Variants in DDHD1 observed in about 807,000 individuals in gnomAD.
DDHD1 encodes DDHD domain containing 1.
DDHD1 carries 49 observed loss-of-function variants against 96.4 expected under a neutral mutation model. The observed-to-expected ratio is 0.51, with a 90% CI of 0.40 to 0.64. The LOEUF (loss-of-function observed/expected upper bound fraction) is 0.64, where lower values mean the gene tolerates loss of function less well. DDHD1 is among the 30% of genes least tolerant of loss of function. The probability of loss-of-function intolerance (pLI) is 0.00; values close to 1 mark genes in which losing one functional copy is unlikely to be tolerated. For missense variants in DDHD1, 1,106 were observed against 1,161.2 expected, an observed-to-expected ratio of 0.95 and a Z score of 0.69; for synonymous variants, 442 against 446.5, an observed-to-expected ratio of 0.99 and a Z score of 0.13.
chr14:53,059,389 C>T (rs890668490), intron 8 of DDHD1, among the ~76,000 whole-genome samples: 2 of 151,790 alleles, frequency 1.3e-5, no homozygotes, highest in African/African-American at 4.8e-5. Flanking sequence ...GAACTACAGG[C>T]GCCCGCCACC....
intron 1 of DDHD1, among the ~76,000 whole-genome samples, chr14:53,138,103 T>A (rs964024914): frequency 1.3e-5 from 2 of 152,194 alleles, no homozygotes; most frequent in African/African-American, 4.8e-5. Flanking sequence ...AATTGTTTTT[T>A]TAAAAATTGA....
At chr14:53,082,602 T>C (rs1215036638) in intron 4 of DDHD1, among the ~76,000 whole-genome samples, 3 of 151,560 alleles carry the variant, frequency 2.0e-5, no homozygotes, top group African/African-American at 4.9e-5. Context: ...CTACTAAAAA[T>C]ACAAAAATTA....
At chr14:53,107,839 G>C (rs1887810073) in intron 1 of DDHD1, among the ~76,000 whole-genome samples, 1 of 152,048 alleles carries the variant, frequency 6.6e-6, no homozygotes. Context: ...TAAACACGGG[G>C]CTTGCAACTT....
chr14:53,071,497 A>G (rs1884506609), intron 6 of DDHD1, among the ~76,000 whole-genome samples: 1 of 152,122 alleles, frequency 6.6e-6, no homozygotes, highest in African/African-American at 2.4e-5. Context: ...ATCCTTGTAC[A>G]GTATCTTATA....
intron 6 of DDHD1, among the ~76,000 whole-genome samples, chr14:53,070,543 TAGA>T (rs1415138975): frequency 1.3e-5 from 2 of 152,294 alleles, no homozygotes; most frequent in African/African-American, 4.8e-5. Context: ...GGGTATGGAA[TAGA>T]ACTGTTTTTT....
chr14:53,069,473 T>C (rs1884328567), intron 6 of DDHD1, among the ~76,000 whole-genome samples: 1 of 152,194 alleles, frequency 6.6e-6, no homozygotes, highest in Non-Finnish European at 1.5e-5. Flanking sequence ...TATTTTTAAA[T>C]TAAGGTATGC....
At chr14:53,114,181 G>A (rs536157259) in intron 1 of DDHD1, among the ~76,000 whole-genome samples, 2 of 152,328 alleles carry the variant, frequency 1.3e-5, no homozygotes, top group Admixed American at 6.5e-5. Context: ...CCTCCTCACT[G>A]GGCGGAGCAC....
chr14:53,051,055 T>C (rs1022226669), intron 12 of DDHD1, among the ~76,000 whole-genome samples: 1 of 138,302 alleles, frequency 7.2e-6, no homozygotes, highest in African/African-American at 2.6e-5. Flanking sequence ...AATGTAAGAG[T>C]TTTTTTTTTT....
Position 53,153,287 on chromosome 14 carries a change from C to A in DDHD1, c.-189G>T, listed in dbSNP as rs1337578987. 3 of 440,120 alleles carry A rather than the reference C, an allele frequency of 6.8e-6. No homozygotes were observed. The highest frequency in any genetic ancestry group is 1.1e-5 in the Non-Finnish European group (3 of 263,880). The allele number at this position is 440,120 out of a possible 1,614,324, so 27.3% of individuals were successfully genotyped here. A position where few individuals can be genotyped will look rare whatever the true frequency, so the allele number is the denominator to read the frequency against. On this transcript the variant is annotated 5_prime_UTR_variant, in exon 1 of 13. Transcript: ENST00000673822. ...CGCAGCCGCCGCAGCTGCGTTCTGC[C>A]GCCGGCCCCATTGTCACGCAGCCCG...
intron 4 of DDHD1, among the ~76,000 whole-genome samples, chr14:53,086,284 T>C (rs564232300): frequency 1.8e-3 from 267 of 152,120 alleles, no homozygotes; most frequent in African/African-American, 6.2e-3. Context: ...AACATTCAAA[T>C]TCAGGAAATA....
In DDHD1 at chr14:53,121,131, C is replaced by T. The variant is rs370059817; in HGVS notation, c.839-17275G>A. On this transcript the variant is annotated intron_variant, in intron 1 of 12. Transcript: ENST00000673822. Reference sequence around the variant, plus strand: ...TCAAAAAGTGGGCAAAGGATATTAACAGACACTTCTCAAGAGAAAACATCT... The same window carrying T: ...TCAAAAAGTGGGCAAAGGATATTAATAGACACTTCTCAAGAGAAAACATCT... Among the ~76,000 whole-genome samples the T allele has an allele frequency of 1.2e-4, 18 of 152,142 alleles. No individual in the cohort carries two copies. The East Asian group carries it at 3.3e-3, about 28-fold the overall frequency.
chr14:53,094,577 T>C (rs1886715428), intron 2 of DDHD1, among the ~76,000 whole-genome samples: 1 of 147,424 alleles, frequency 6.8e-6, no homozygotes, highest in Non-Finnish European at 1.5e-5. Flanking sequence ...TGGTGATATG[T>C]GCCTGTGGTT....
chr14:53,101,332 T>TACTACACAATTTCCCATAATATTTCA (rs1887277878), intron 2 of DDHD1, among the ~76,000 whole-genome samples: 1 of 152,110 alleles, frequency 6.6e-6, no homozygotes, highest in Non-Finnish European at 1.5e-5. Context: ...AAGCCAAATG[T>TACTACACAATTTCCCATAATATTTCA]AACAAGATAT....
chr14:53,098,071 GA>G (rs1410050313), intron 2 of DDHD1, among the ~76,000 whole-genome samples: 3 of 151,492 alleles, frequency 2.0e-5, no homozygotes, highest in African/African-American at 7.3e-5. Context: ...TACAGTAGAG[GA>G]AAAAAAGAGT....
At chr14:53,109,319 G>C (rs911284839) in intron 1 of DDHD1, among the ~76,000 whole-genome samples, 2 of 152,094 alleles carry the variant, frequency 1.3e-5, no homozygotes, top group Admixed American at 1.3e-4. Context: ...CCAAGTCCTA[G>C]GCCTGTCTTT....
At chr14:53,071,098 A>G (rs1230832682) in intron 6 of DDHD1, among the ~76,000 whole-genome samples, 1 of 152,148 alleles carries the variant, frequency 6.6e-6, no homozygotes, top group African/African-American at 2.4e-5. Context: ...GCATTACCTC[A>G]ATTAATCTTT....
At position 53,046,354 on chromosome 14, in the gene DDHD1, C is replaced by G. The variant is rs1034485391; in HGVS notation, c.*414G>C. 1.3e-5 allele frequency: 2 copies of G among 152,602 alleles called. No individual in the cohort carries two copies. The highest frequency in any genetic ancestry group is 2.9e-5 in the Non-Finnish European group (2 of 68,346). 9.5% of individuals were successfully genotyped at this position (152,602 alleles called of 1,614,324 possible). On this transcript the variant is annotated 3_prime_UTR_variant, in exon 13 of 13. Transcript: ENST00000673822. ...TGAAAGCCTTCATAGAAATCTAAAA[C>G]GATACCACCTTGTGATCTTCATATA... is the stretch of plus-strand genomic sequence containing the variant.
At chr14:53,092,862 G>T (rs1442494605) in intron 3 of DDHD1, 2 of 142,434 alleles carry the variant, frequency 1.4e-5, no homozygotes, top group African/African-American at 5.2e-5. Flanking sequence ...AATAAAAGAA[G>T]AAAAAAAAAA....
chr14:53,050,905 C>T (rs1175370102), intron 12 of DDHD1, among the ~76,000 whole-genome samples: 1 of 151,922 alleles, frequency 6.6e-6, no homozygotes, highest in Non-Finnish European at 1.5e-5. Flanking sequence ...ATTTTCCTTT[C>T]TCCAACCAAA....
Sources: allele counts gnomAD v4.1 joint callset (sites outside exome capture counted in the v4.1 genomes callset), GRCh38; gene constraint gnomAD v4.1.1; transcripts MANE v1.5; gene names NCBI Gene and HGNC (gene_info 2026-07-23, HGNC 2026-07-21).